Variants in SLC8B1 observed in about 807,000 individuals in gnomAD.
SLC8B1 encodes the protein mitochondrial sodium/calcium exchanger protein.
A neutral mutation model predicts 63.4 loss-of-function variants in SLC8B1; 52 were observed. The ratio of observed to expected loss-of-function variants is 0.82; its 90% CI spans 0.66 to 1.03. The LOEUF (loss-of-function observed/expected upper bound fraction) is 1.03, where lower values mean the gene tolerates loss of function less well. Ranked by LOEUF, SLC8B1 falls within the 50% of genes least tolerant of loss-of-function variation. The pLI, the probability that SLC8B1 is intolerant of heterozygous loss-of-function variation, is 0.00. For missense variants in SLC8B1, 657 were observed against 741.7 expected (o/e 0.89, Z 1.33); for synonymous variants, 336 against 323.9 (o/e 1.04, Z -0.40).
intron 2 of SLC8B1, among the ~76,000 whole-genome samples, chr12:113,324,549 G>C (rs1054234389): frequency 4.1e-5 from 6 of 147,162 alleles, no homozygotes; most frequent in Non-Finnish European, 9.0e-5. Flanking sequence ...TGGGACTACA[G>C]GTGCCCACCG....
chr12:113,317,282 G>T (rs1441498929), intron 8 of SLC8B1, among the ~76,000 whole-genome samples: 1 of 152,194 alleles, frequency 6.6e-6, no homozygotes, highest in South Asian at 2.1e-4. Flanking sequence ...TAGAGATGGG[G>T]TCTTGCTATG....
chr12:113,328,087 C>T (rs945440303), intron 2 of SLC8B1, among the ~76,000 whole-genome samples: 36 of 151,886 alleles, frequency 2.4e-4, no homozygotes, highest in African/African-American at 8.5e-4. Flanking sequence ...GGCTGGAGTG[C>T]AGTGGCGTGA....
chr12:113,308,399 A>C (rs1437136879), intron 12 of SLC8B1: 1 of 152,584 alleles, frequency 6.6e-6, no homozygotes, highest in African/African-American at 2.4e-5. Context: ...TACTAAAAAA[A>C]AATATTATTT....
rs142949596 is a variant in SLC8B1, at chr12:113,310,323, C to T, written c.1168G>A (p.Val390Ile). Residue 390 changes from valine (V) to isoleucine (I), a missense_variant, in exon 12 of 16, where the codon GTC (valine) becomes ATC (isoleucine). Physicochemically the swap from Val to Ile is conservative, Grantham distance 29. Transcript: ENST00000680972. ...CCTGCGATCACCACCACGACCCAGACGGGAACGAGGCCGCCTATCTCATAG... is the reference window on the plus strand; with the variant it reads ...CCTGCGATCACCACCACGACCCAGATGGGAACGAGGCCGCCTATCTCATAG... ...GVYEIGGLVP[V>I]WVVVVIAGTA... 6.5e-5 allele frequency: 105 copies of T among 1,613,982 alleles called. 1 individual carries two copies. The highest frequency in any genetic ancestry group is 2.1e-4 in the South Asian group (19 of 91,064).
chr12:113,332,963 G>C lies in SLC8B1; in HGVS notation c.-82-3C>G, dbSNP rs1957077511. The C allele has an allele frequency of 6.5e-7, 1 of 1,532,074 alleles. No homozygotes were observed. Among genetic ancestry groups the C allele is most frequent in the African/African-American group, 1.4e-5 (1 of 73,040 alleles). 94.9% of individuals were successfully genotyped at this position (1,532,074 alleles called of 1,614,324 possible). ...AAACAGCTGGCGGCTCCGGTGGCCT[G>C]CAAGGTGGGAGTGAGAAAGGGGGAC... On this transcript the variant is annotated splice_polypyrimidine_tract_variant and splice_region_variant and intron_variant, in intron 1 of 15. Transcript: ENST00000680972.
intron 11 of SLC8B1, among the ~76,000 whole-genome samples, chr12:113,313,229 A>T (rs1956786647): frequency 6.6e-6 from 1 of 150,616 alleles, no homozygotes; most frequent in African/African-American, 2.4e-5. Context: ...TATTGTGTTT[A>T]TTTTTGCAGT....
chr12:113,326,242 C>T (rs1460706317), intron 2 of SLC8B1, among the ~76,000 whole-genome samples: 1 of 152,224 alleles, frequency 6.6e-6, no homozygotes, highest in Non-Finnish European at 1.5e-5. Flanking sequence ...CGTTGATGTA[C>T]AATCTGTGGC....
At chr12:113,302,714 A>G (rs1243541592) in intron 15 of SLC8B1, 1 of 456,086 alleles carries the variant, frequency 2.2e-6, no homozygotes, top group Non-Finnish European at 4.4e-6. Flanking sequence ...CAACCCACAG[A>G]TGAAGAAACT....
Position 113,306,564 on chromosome 12 carries a change from C to A in SLC8B1, c.1423G>T (p.Asp475Tyr). 6.2e-7 allele frequency: 1 copy of A among 1,614,034 alleles called. No homozygotes were observed. The highest frequency in any genetic ancestry group is 1.3e-5 in the African/African-American group (1 of 75,064). The change falls in exon 14 of 16, where the codon GAT (aspartate) becomes TAT (tyrosine). Residue 475 changes from aspartate to tyrosine, a missense_variant. Transcript: ENST00000680972. ...WGNSIGDAFS[D>Y]FTLARQGYPR... ...TAGCCCTGGCGAGCCAGTGTGAAAT[C>A]CGAGAAGGCATCTGCACAGGAACAA...
At position 113,305,536 on chromosome 12, in the gene SLC8B1, C is replaced by CT. The variant is rs894238393; in HGVS notation, c.1492+958dup. On this transcript the variant is annotated intron_variant, in intron 14 of 15. Coordinates refer to ENST00000680972, the MANE Select transcript of SLC8B1 (RefSeq NM_001358345.2). This position sits in a 1 kb window ranked among gnomAD's most constrained non-coding sequence, Gnocchi z 4.3. ...CCCACAACCATCTGGTTTCAAAGCT[C>CT]TTTCTCTTCATAGCCCCAGGCTGGC... Among the ~76,000 whole-genome samples the CT allele has an allele frequency of 2.6e-5, 4 of 152,250 alleles. No individual in the cohort carries two copies. Among genetic ancestry groups the CT allele is most frequent in the African/African-American group, 9.6e-5 (4 of 41,462 alleles).
chr12:113,319,130 C>T (rs1956885198), intron 7 of SLC8B1, 59 bp from the exon 8 acceptor site: 2 of 1,330,516 alleles, frequency 1.5e-6, no homozygotes, highest in Non-Finnish European at 2.2e-6. Flanking sequence ...TAGAGAACAA[C>T]AGCTGGCAGT....
chr12:113,304,485 C>T, intron 14 of SLC8B1, 100 bp from the exon 15 acceptor site: 1 of 1,114,354 alleles, frequency 9.0e-7, no homozygotes, highest in East Asian at 2.5e-5. Flanking sequence ...CTTGGGATGC[C>T]ACTGCAAGAA....
Position 113,321,265 on chromosome 12 carries a change from G to A in SLC8B1, c.240C>T (p.Tyr80=). The A allele has an allele frequency of 6.2e-7, 1 of 1,614,136 alleles. No individual in the cohort carries two copies. The highest frequency in any genetic ancestry group is 8.5e-7 in the Non-Finnish European group (1 of 1,180,020). ...AGAAGATGCCTTCCAGGTAGTCCAGGTACCCCCCATCACTGTGGCAGTCAG... is the reference window on the plus strand; with the variant it reads ...AGAAGATGCCTTCCAGGTAGTCCAGATACCCCCCATCACTGTGGCAGTCAG... ...TNPDCHSDGG[Y]LDYLEGIFCH... Residue 80 remains tyrosine (Y), a synonymous_variant, in exon 3 of 16, where the codon TAC becomes TAT. Coordinates refer to ENST00000680972, the MANE Select transcript of SLC8B1 (RefSeq NM_001358345.2).
rs979837234 is a variant in SLC8B1 at position 113,305,810 on chromosome 12, C to G, written c.1492+685G>C. On this transcript the variant is annotated intron_variant, in intron 14 of 15. Transcript: ENST00000680972. This position sits in a 1 kb window ranked among gnomAD's most constrained non-coding sequence, Gnocchi z 4.3. Reference sequence around the variant, plus strand: ...GTGTGGTGGCTCACGCCTGTAATCCCAGCACTTGGAGGCTGAGGCTGGCAG... The same window carrying G: ...GTGTGGTGGCTCACGCCTGTAATCCGAGCACTTGGAGGCTGAGGCTGGCAG... 2.6e-5 allele frequency among the ~76,000 whole-genome samples: 4 copies of G among 152,090 alleles called. No homozygotes were observed. The highest frequency in any genetic ancestry group is 5.9e-5 in the Non-Finnish European group (4 of 68,022).
intron 2 of SLC8B1, among the ~76,000 whole-genome samples, chr12:113,330,968 A>G (rs889500735): frequency 6.6e-5 from 10 of 152,084 alleles, no homozygotes; most frequent in African/African-American, 2.4e-4. Flanking sequence ...GGAAAGATGC[A>G]AGTTCTCTGT....
chr12:113,320,204 T>G lies in SLC8B1; in HGVS notation c.694+127A>C. 3.4e-6 allele frequency: 4 copies of G among 1,187,302 alleles called. No homozygotes were observed. The highest frequency in any genetic ancestry group is 1.2e-6 in the Non-Finnish European group (1 of 850,462). The allele number at this position is 1,187,302 out of a possible 1,614,324, so 73.5% of individuals were successfully genotyped here. A position where few individuals can be genotyped will look rare whatever the true frequency, so the allele number is the denominator to read the frequency against. On this transcript the variant is annotated intron_variant, in intron 7 of 15. Transcript: ENST00000680972. The surrounding 1 kb of genome is among the most constrained non-coding windows in gnomAD (Gnocchi z 5.3). ...TTTGCTCAAGCCAGCTTGAGGAGGG[T>G]TTCTGTCACTTGTAATCAAATCAAA...
chr12:113,318,364 GTGT>G (rs1316233350), intron 8 of SLC8B1, among the ~76,000 whole-genome samples: 23 of 151,750 alleles, frequency 1.5e-4, no homozygotes, highest in African/African-American at 4.1e-4. Context: ...ACTCCTATGT[GTGT>G]TGTGTGTGTT....
intron 7 of SLC8B1, 24 bp from the exon 8 acceptor site, chr12:113,319,095 A>T (rs1319921763): frequency 1.3e-6 from 2 of 1,555,592 alleles, no homozygotes; most frequent in Non-Finnish European, 1.8e-6. Flanking sequence ...GCACGCCGTC[A>T]CCAAGTGGTG....
chr12:113,311,461 C>A (rs11066532), intron 11 of SLC8B1, among the ~76,000 whole-genome samples: 10 of 150,400 alleles, frequency 6.6e-5, no homozygotes, highest in East Asian at 3.9e-4. Flanking sequence ...AAAAAAAAAA[C>A]AAAAACAAAT....
Sources: gnomAD v4.1 joint callset for allele counts (sites outside exome capture counted in the v4.1 genomes callset) on GRCh38, gnomAD v4.1.1 for gene constraint, Gnocchi (gnomAD v3.1) non-coding constraint, MANE v1.5 for transcripts, NCBI Gene and HGNC (gene_info 2026-07-23, HGNC 2026-07-21) for gene names.